The following FILIP1 variants were observed in gnomAD, a reference collection of about 807,000 sequenced individuals.
The protein encoded by FILIP1 is filamin-A-interacting protein 1.
A neutral mutation model predicts 102.1 loss-of-function variants in FILIP1; 61 were observed. That is an observed-to-expected ratio of 0.60 (90% CI 0.49 to 0.74). FILIP1 has a LOEUF of 0.74. Among genes scored for constraint, FILIP1 ranks in the 30% least tolerant of loss-of-function variants. The probability of loss-of-function intolerance (pLI) is 0.00; values close to 1 mark genes in which losing one functional copy is unlikely to be tolerated. For missense variants in FILIP1, 1,314 were observed against 1,441.2 expected (o/e 0.91, Z 1.43); for synonymous variants, 491 against 526.9 (o/e 0.93, Z 0.93).
At chr6:75,321,517 G>A (rs372638014) in intron 4 of FILIP1, among the ~76,000 whole-genome samples, 67 of 152,310 alleles carry the variant, frequency 4.4e-4, no homozygotes, top group African/African-American at 1.4e-3. Flanking sequence ...GTGATCGGCC[G>A]GGCGCGGTGG....
At chr6:75,449,334 T>A (rs1260637487) in intron 1 of FILIP1, among the ~76,000 whole-genome samples, 1 of 151,970 alleles carries the variant, frequency 6.6e-6, no homozygotes, top group African/African-American at 2.4e-5. Flanking sequence ...GGGGAAAGGA[T>A]GGGAGGGCAG....
At chr6:75,298,866 C>G (rs1378675230) in intron 6 of FILIP1, among the ~76,000 whole-genome samples, 1 of 151,896 alleles carries the variant, frequency 6.6e-6, no homozygotes, top group Admixed American at 6.6e-5. Context: ...TGCAGCGTGC[C>G]GAGATAGCAC....
At chr6:75,398,882 C>T (rs1270989852) in intron 2 of FILIP1, 3 of 152,120 alleles carry the variant, frequency 2.0e-5, no homozygotes, top group Non-Finnish European at 4.4e-5. Flanking sequence ...GCATCTTCCC[C>T]TTCTTATTCT....
intron 1 of FILIP1, among the ~76,000 whole-genome samples, chr6:75,419,951 C>T (rs913179740): frequency 3.9e-5 from 6 of 152,098 alleles, no homozygotes; most frequent in Non-Finnish European, 8.8e-5. Context: ...CAACAAGCCA[C>T]GTAAAATATT....
At chr6:75,383,863 C>T (rs187058612) in intron 2 of FILIP1, among the ~76,000 whole-genome samples, 1 of 152,076 alleles carries the variant, frequency 6.6e-6, no homozygotes, top group Non-Finnish European at 1.5e-5. Context: ...TGTCAGAATG[C>T]GAAATCAGGC....
chr6:75,390,551 CA>C (rs1489359006), intron 2 of FILIP1, among the ~76,000 whole-genome samples: 8 of 152,016 alleles, frequency 5.3e-5, no homozygotes, highest in Admixed American at 5.2e-4. Flanking sequence ...AAAGCAGGAG[CA>C]AGAGAGCAAG....
intron 2 of FILIP1, among the ~76,000 whole-genome samples, chr6:75,388,367 C>A (rs186308472): frequency 3.0e-4 from 45 of 152,288 alleles, no homozygotes; most frequent in Middle Eastern, 6.8e-3. Flanking sequence ...TATACGGGCC[C>A]TTTTTTGGTT....
chr6:75,356,171 AG>A (rs1774992213), intron 3 of FILIP1, among the ~76,000 whole-genome samples: 2 of 152,240 alleles, frequency 1.3e-5, no homozygotes. Flanking sequence ...GTAACTCCAC[AG>A]GGTCTCAGCA....
intron 2 of FILIP1, among the ~76,000 whole-genome samples, chr6:75,387,071 A>G (rs1012681564): frequency 6.6e-6 from 1 of 151,690 alleles, no homozygotes; most frequent in East Asian, 1.9e-4. Context: ...CCCTGTGCCC[A>G]TATGTTCTCA....
At chr6:75,405,649 G>A (rs1242639736) in intron 2 of FILIP1, among the ~76,000 whole-genome samples, 1 of 152,134 alleles carries the variant, frequency 6.6e-6, no homozygotes, top group African/African-American at 2.4e-5. Context: ...TGACAAGGGA[G>A]GGGAAGGGCT....
intron 5 of FILIP1, among the ~76,000 whole-genome samples, chr6:75,310,901 G>A (rs573599104): frequency 2.4e-4 from 37 of 152,268 alleles, no homozygotes; most frequent in African/African-American, 8.9e-4. Context: ...AGCCTGCCTC[G>A]AGTCTATGTT....
At position 75,362,905 on chromosome 6, in the gene FILIP1, C is replaced by G; in HGVS notation, c.289G>C (p.Val97Leu). ...TTCTCTGTCTTCAGCATGTGGATCA[C>G]ATCTTCTCTGGCCTGTAATAGAAAG... ...MEGELQARED[V>L]IHMLKTEKTK... Residue 97 changes from valine (V) to leucine (L), a missense_variant, in exon 3 of 6, where the codon GTG (valine) becomes CTG (leucine). Around this residue, in one of 3 missense-constraint regions of FILIP1, gnomAD observed 494 missense variants for 511.2 expected, o/e 0.97. Coordinates refer to ENST00000237172, the MANE Select transcript of FILIP1 (RefSeq NM_015687.5). 1 of 1,613,910 alleles carries G rather than the reference C, an allele frequency of 6.2e-7. No individual in the cohort carries two copies. The highest frequency in any genetic ancestry group is 1.1e-5 in the South Asian group (1 of 91,062).
chr6:75,293,588 T>A (rs1480722488), exon 7 of FILIP1: 1 of 152,200 alleles, frequency 6.6e-6, no homozygotes, highest in Non-Finnish European at 1.5e-5. Context: ...TCATCCTCAT[T>A]GTTCTTGTAA....
intron 1 of FILIP1, among the ~76,000 whole-genome samples, chr6:75,462,571 CAT>C (rs1428430770): frequency 6.6e-6 from 1 of 152,054 alleles, no homozygotes; most frequent in Admixed American, 6.5e-5. Flanking sequence ...AATTAAATCT[CAT>C]ATATGTGTGT....
chr6:75,460,068 CT>C (rs1437109952), intron 1 of FILIP1, among the ~76,000 whole-genome samples: 1 of 152,186 alleles, frequency 6.6e-6, no homozygotes, highest in Non-Finnish European at 1.5e-5. Context: ...CCATAATTCC[CT>C]CTGCCATTAG....
intron 4 of FILIP1, among the ~76,000 whole-genome samples, chr6:75,315,758 A>G (rs1368872482): frequency 3.9e-5 from 6 of 152,228 alleles, no homozygotes; most frequent in Non-Finnish European, 8.8e-5. Context: ...TGGGTTTCAA[A>G]CTTAGCCAGG....
At chr6:75,448,259 C>T (rs1778505593) in intron 1 of FILIP1, among the ~76,000 whole-genome samples, 1 of 152,152 alleles carries the variant, frequency 6.6e-6, no homozygotes, top group African/African-American at 2.4e-5. Flanking sequence ...TGAATACATT[C>T]TCAGAAGCCT....
At chr6:75,347,418 T>C (rs1161891808) in intron 4 of FILIP1, among the ~76,000 whole-genome samples, 1 of 152,248 alleles carries the variant, frequency 6.6e-6, no homozygotes, top group African/African-American at 2.4e-5. Context: ...GAAGGCTCAG[T>C]TGTTTTCTGC....
chr6:75,388,788 G>C (rs753790706), intron 2 of FILIP1, among the ~76,000 whole-genome samples: 1 of 152,078 alleles, frequency 6.6e-6, no homozygotes, highest in Admixed American at 6.6e-5. Context: ...GAAATGATGG[G>C]GTTTTCTAAA....
Sources: allele counts gnomAD v4.1 joint callset (sites outside exome capture counted in the v4.1 genomes callset), GRCh38; gene constraint gnomAD v4.1.1; regional missense constraint gnomAD v4.1.1; transcripts MANE v1.5; gene names NCBI Gene and HGNC (gene_info 2026-07-23, HGNC 2026-07-21).